The following NLRP13 variants were observed in gnomAD, a reference collection of about 807,000 sequenced individuals.
NLRP13 encodes the protein NLR family pyrin domain containing 13.
NLRP13 carries 82 observed loss-of-function variants against 94.4 expected under a neutral mutation model. The ratio of observed to expected loss-of-function variants is 0.87; its 90% CI spans 0.73 to 1.04. The LOEUF is 1.04. Among genes scored for constraint, NLRP13 ranks in the 50% least tolerant of loss-of-function variants. NLRP13 has a pLI of 0.00. For missense variants in NLRP13, 1,426 were observed against 1,230.8 expected, an observed-to-expected ratio of 1.16 and a Z score of -2.37; for synonymous variants, 553 against 464.7, an observed-to-expected ratio of 1.19 and a Z score of -2.45.
At chr19:55,894,830 C>T (rs1163185166), downstream of NLRP13, among the ~76,000 whole-genome samples, 1 of 152,126 alleles carries the variant, frequency 6.6e-6, no homozygotes, top group East Asian at 1.9e-4. Context: ...TATGGAGTGA[C>T]ACGTACAGTA....
chr19:55,905,731 G>A (rs898897405), intron 7 of NLRP13, among the ~76,000 whole-genome samples: 5 of 152,032 alleles, frequency 3.3e-5, no homozygotes, highest in Non-Finnish European at 7.3e-5. Context: ...GTTGCAGAAT[G>A]AGAGGACTGC....
intron 5 of NLRP13, 132 bp from the exon 6 acceptor site, chr19:55,910,865 G>A (rs1352086478): frequency 1.3e-6 from 1 of 777,586 alleles, no homozygotes; most frequent in Non-Finnish European, 2.0e-6. Context: ...TGGGTGCAGT[G>A]GCTCACGCCT....
At position 55,912,508 on chromosome 19, in the gene NLRP13, G is replaced by A. The variant is rs773058023; in HGVS notation, c.1309C>T (p.Gln437Ter). The change falls in exon 5 of 11, where the codon CAG becomes TAG. Residue 437 changes from glutamine (Q) to a stop codon, truncating the protein, a stop_gained. Transcript: ENST00000342929. LOFTEE classifies it high-confidence loss of function. ...VCWTVCSCLK[Q>*]PKVRYYDLQS... ...AGATCGTAATACCTCACCTTCGGCT[G>A]CTTCAGACAGGAACATACGGTCCAA... 2 of 1,614,058 alleles carry A rather than the reference G, an allele frequency of 1.2e-6. No homozygotes were observed. The highest frequency in any genetic ancestry group is 1.7e-6 in the Non-Finnish European group (2 of 1,180,006).
At chr19:55,926,926 G>A (rs1986979035) in intron 1 of NLRP13, among the ~76,000 whole-genome samples, 1 of 151,826 alleles carries the variant, frequency 6.6e-6, no homozygotes, top group Non-Finnish European at 1.5e-5. Context: ...CAATTCAATA[G>A]ATAAAGAGCT....
At position 55,912,735 on chromosome 19, in the gene NLRP13, A is replaced by C; in HGVS notation, c.1082T>G (p.Ile361Ser). The change falls in exon 5 of 11, where the codon ATC becomes AGC. Residue 361 changes from isoleucine to serine, a missense_variant. Transcript: ENST00000342929. ...KELVPLATLL[I>S]TIKTWFVRDL... ...TCTCACAAACCAGGTCTTGATCGTG[A>C]TCAGTAAGGTAGCCAGGGGAACCAA... is the stretch of plus-strand genomic sequence containing the variant. 1 of 1,614,190 alleles carries C rather than the reference A, an allele frequency of 6.2e-7. No individual in the cohort carries two copies. Among genetic ancestry groups the C allele is most frequent in the African/African-American group, 1.3e-5 (1 of 75,050 alleles).
intron 3 of NLRP13, 83 bp downstream of exon 3, chr19:55,924,507 T>A: frequency 1.1e-6 from 1 of 948,384 alleles, no homozygotes; most frequent in Non-Finnish European, 1.7e-6. Flanking sequence ...TCAAGAAATT[T>A]CAGCATAGGC....
rs145312636 is a variant in NLRP13 at position 55,932,154 on chromosome 19, G to A, written c.158C>T (p.Pro53Leu). ...DFWSAPQGHF[P>L]RIPWANLRAA... ...TCTCAAGTTTGCCCAGGGGATACGCGGGAAGTGCCCCTGGGGGGCCGACCA... is the reference window on the plus strand; with the variant it reads ...TCTCAAGTTTGCCCAGGGGATACGCAGGAAGTGCCCCTGGGGGGCCGACCA... The change falls in exon 1 of 11, where the codon CCG (proline) becomes CTG (leucine). Residue 53 changes from proline (P) to leucine (L), a missense_variant. Coordinates refer to ENST00000342929, the MANE Select transcript of NLRP13 (RefSeq NM_176810.2). 1.8e-5 allele frequency: 29 copies of A among 1,614,040 alleles called. No homozygotes were observed. In the African/African-American group the frequency reaches 2.1e-4, roughly 12 times the overall value.
intron 4 of NLRP13, among the ~76,000 whole-genome samples, chr19:55,917,578 G>C (rs1324282061): frequency 6.6e-6 from 1 of 151,736 alleles, no homozygotes. Context: ...TGTAGAAAAA[G>C]ATTCCACTTT....
chr19:55,895,487 A>C (rs1303793305), downstream of NLRP13, among the ~76,000 whole-genome samples: 1 of 152,154 alleles, frequency 6.6e-6, no homozygotes, highest in African/African-American at 2.4e-5. Flanking sequence ...GTTCAAGACC[A>C]GCCTGGCCAC....
chr19:55,910,606 A>G lies in NLRP13; in HGVS notation c.2239T>C (p.Cys747Arg), dbSNP rs549617221. The G allele has an allele frequency of 6.2e-7, 1 of 1,613,444 alleles. No individual in the cohort carries two copies. The highest frequency in any genetic ancestry group is 1.7e-5 in the Admixed American group (1 of 59,998). ...CATCTTGGATTTTTCAGTGCAAGAC[A>G]GAGACCCTTCACAGAGGAAGCATGA... is the stretch of plus-strand genomic sequence containing the variant. ...KLHASSVKGL[C>R]LALKNPRCKV... is the part of the protein sequence containing the mutation. The change falls in exon 6 of 11, where the codon TGT becomes CGT. Residue 747 changes from cysteine to arginine, a missense_variant. Physicochemically the swap from Cys to Arg is radical, Grantham distance 180. Transcript: ENST00000342929.
At chr19:55,897,524 A>G (rs1463778339) in intron 10 of NLRP13, among the ~76,000 whole-genome samples, 1 of 152,138 alleles carries the variant, frequency 6.6e-6, no homozygotes, top group Non-Finnish European at 1.5e-5. Context: ...AAAAACCATA[A>G]AGCCCTTCTT....
chr19:55,918,618 C>A (rs1321551198), intron 4 of NLRP13, among the ~76,000 whole-genome samples: 1 of 151,974 alleles, frequency 6.6e-6, no homozygotes, highest in East Asian at 1.9e-4. Flanking sequence ...AACTAAAAAC[C>A]CAAGAAGAAA....
At chr19:55,900,244 T>TA (rs34584135) in intron 9 of NLRP13, among the ~76,000 whole-genome samples, 63 of 151,842 alleles carry the variant, frequency 4.1e-4, no homozygotes, top group Non-Finnish European at 6.0e-4. Flanking sequence ...TGAAACAGGT[T>TA]AAAAAAAAAA....
At chr19:55,919,335 A>C (rs1392148199) in intron 4 of NLRP13, among the ~76,000 whole-genome samples, 1 of 152,092 alleles carries the variant, frequency 6.6e-6, no homozygotes, top group Non-Finnish European at 1.5e-5. Context: ...CACTTTCACC[A>C]CTCCTATTCA....
Position 55,907,890 on chromosome 19 carries a change from C to T in NLRP13, c.2349G>A (p.Lys783=). The T allele has an allele frequency of 6.2e-7, 1 of 1,613,684 alleles. No individual in the cohort carries two copies. The highest frequency in any genetic ancestry group is 8.5e-7 in the Non-Finnish European group (1 of 1,179,778). ...DLIIALQGNS[K]LTHLNFSSNK... ...TAGAGCTGAAGTTCAGATGGGTCAG[C>T]TTGCTGTTACCCTGAAGGGCAATAA... The change falls in exon 7 of 11, where the codon AAG becomes AAA. Residue 783 remains lysine, a synonymous_variant. Transcript: ENST00000342929.
At chr19:55,908,804 T>C (rs1342401926) in intron 6 of NLRP13, among the ~76,000 whole-genome samples, 2 of 152,046 alleles carry the variant, frequency 1.3e-5, no homozygotes, top group Non-Finnish European at 2.9e-5. Flanking sequence ...TCAGGAAAAA[T>C]AACTAATGGG....
At position 55,926,066 on chromosome 19, in the gene NLRP13, A is replaced by G. The variant is rs144822158; in HGVS notation, c.320-1031T>C. On this transcript the variant is annotated intron_variant, in intron 1 of 10. Coordinates refer to ENST00000342929, the MANE Select transcript of NLRP13 (RefSeq NM_176810.2). The stretch of plus-strand genomic sequence containing the variant: ...CTTTTCCTAGCCATAGCCCAAGCAG[A>G]GGAAAAGTAGACGATTTTCCCCTCT... Among the ~76,000 whole-genome samples, 724 of 152,288 alleles carry G rather than the reference A, an allele frequency of 4.8e-3. 4 individuals carry two copies. Among genetic ancestry groups the G allele is most frequent in the Non-Finnish European group, 7.9e-3 (539 of 68,042 alleles).
At chr19:55,925,763 G>C (rs1201621326) in intron 1 of NLRP13, among the ~76,000 whole-genome samples, 1 of 152,114 alleles carries the variant, frequency 6.6e-6, no homozygotes, top group Non-Finnish European at 1.5e-5. Flanking sequence ...TGCATCTAGA[G>C]ATATGGCTCT....
intron 8 of NLRP13, among the ~76,000 whole-genome samples, chr19:55,903,385 C>T (rs1432905236): frequency 6.6e-6 from 1 of 152,112 alleles, no homozygotes; most frequent in Non-Finnish European, 1.5e-5. Flanking sequence ...TTTATACTCA[C>T]CTGACAATTG....
Sources: allele counts gnomAD v4.1 joint callset (sites outside exome capture counted in the v4.1 genomes callset), GRCh38; gene constraint gnomAD v4.1.1; transcripts MANE v1.5; gene names NCBI Gene and HGNC (gene_info 2026-07-23, HGNC 2026-07-21).